SPATA17: variants seen among roughly 807,000 people sequenced by gnomAD.
SPATA17 encodes the protein spermatogenesis-associated protein 17.
SPATA17 carries 53 observed loss-of-function variants against 62.2 expected under a neutral mutation model. The observed-to-expected ratio is 0.85, with a 90% CI of 0.68 to 1.07. The LOEUF is 1.07. SPATA17 is among the 50% of genes least tolerant of loss of function. SPATA17 has a pLI of 0.00. For synonymous variants in SPATA17, 146 were observed against 146.8 expected (o/e 0.99, Z 0.04); for missense variants, 466 against 425.5 (o/e 1.10, Z -0.84).
intron 1 of SPATA17, among the ~76,000 whole-genome samples, chr1:217,635,690 C>A (rs925177758): frequency 3.3e-5 from 5 of 150,840 alleles, no homozygotes; most frequent in African/African-American, 7.3e-5. Context: ...GGCAACAGAG[C>A]AAGACTCAAA....
intron 9 of SPATA17, among the ~76,000 whole-genome samples, chr1:217,819,509 G>A (rs993120318): frequency 1.3e-5 from 2 of 151,914 alleles, no homozygotes; most frequent in African/African-American, 4.8e-5. Flanking sequence ...CAAGTCACAG[G>A]CCTGTGTTTA....
At chr1:217,864,168 T>C (rs533982468) in intron 10 of SPATA17, among the ~76,000 whole-genome samples, 30 of 152,348 alleles carry the variant, frequency 2.0e-4, no homozygotes, top group Non-Finnish European at 2.9e-5. Flanking sequence ...TCATTACCCA[T>C]TGGAGCATTT....
At chr1:217,856,863 C>T (rs977315051) in intron 9 of SPATA17, among the ~76,000 whole-genome samples, 2 of 152,054 alleles carry the variant, frequency 1.3e-5, no homozygotes, top group African/African-American at 4.8e-5. Flanking sequence ...GGAATAATGC[C>T]GGGTGATCTT....
At chr1:217,861,695 G>T (rs952011704) in intron 9 of SPATA17, among the ~76,000 whole-genome samples, 14 of 152,204 alleles carry the variant, frequency 9.2e-5, no homozygotes, top group African/African-American at 3.4e-4. Context: ...TTGCATTTAT[G>T]CTATCCAAGA....
intron 5 of SPATA17, among the ~76,000 whole-genome samples, chr1:217,708,943 C>T (rs1045400069): frequency 2.4e-4 from 37 of 151,888 alleles, no homozygotes; most frequent in African/African-American, 8.7e-4. Context: ...AGATGATTGT[C>T]TCAGCATATG....
At chr1:217,858,615 C>G (rs754340564) in intron 9 of SPATA17, among the ~76,000 whole-genome samples, 18 of 152,106 alleles carry the variant, frequency 1.2e-4, no homozygotes, top group Non-Finnish European at 2.4e-4. Flanking sequence ...TAAAATAAAG[C>G]TGGGCATGGT....
chr1:217,757,151 G>A (rs1199675488), intron 6 of SPATA17, among the ~76,000 whole-genome samples: 1 of 152,178 alleles, frequency 6.6e-6, no homozygotes, highest in African/African-American at 2.4e-5. Flanking sequence ...AATAATCAGG[G>A]TGGAAACTTG....
At chr1:217,704,696 C>T (rs1191254534) in intron 5 of SPATA17, among the ~76,000 whole-genome samples, 1 of 152,114 alleles carries the variant, frequency 6.6e-6, no homozygotes. Context: ...ATAATGGCCT[C>T]CACCTCCATC....
chr1:217,821,149 A>C (rs1674849879), intron 9 of SPATA17, among the ~76,000 whole-genome samples: 1 of 152,112 alleles, frequency 6.6e-6, no homozygotes, highest in Non-Finnish European at 1.5e-5. Context: ...ACCTCCCAGT[A>C]GGCCCCATCT....
At chr1:217,670,076 C>A (rs181784855) in intron 4 of SPATA17, among the ~76,000 whole-genome samples, 1 of 152,238 alleles carries the variant, frequency 6.6e-6, no homozygotes, top group African/African-American at 2.4e-5. Flanking sequence ...ATTTGCCTTT[C>A]TCAGTAATAT....
At chr1:217,792,927 A>G (rs1038040060) in intron 8 of SPATA17, among the ~76,000 whole-genome samples, 1 of 152,186 alleles carries the variant, frequency 6.6e-6, no homozygotes, top group Non-Finnish European at 1.5e-5. Flanking sequence ...AAGAAAAAAT[A>G]TATAAGAAGC....
chr1:217,681,413 G>A (rs192611277), intron 4 of SPATA17, among the ~76,000 whole-genome samples: 55 of 151,180 alleles, frequency 3.6e-4, no homozygotes, highest in African/African-American at 1.1e-3. Context: ...TCGCTCTGTC[G>A]CCCAGGCTGG....
chr1:217,738,676 G>A (rs1334239899), intron 5 of SPATA17, among the ~76,000 whole-genome samples: 14 of 152,226 alleles, frequency 9.2e-5, no homozygotes. Flanking sequence ...TCTTGGCCGG[G>A]TGCGATGGCT....
intron 9 of SPATA17, among the ~76,000 whole-genome samples, chr1:217,835,006 A>T (rs1675230155): frequency 6.6e-6 from 1 of 152,204 alleles, no homozygotes; most frequent in Admixed American, 6.5e-5. Context: ...GTACAGGAAC[A>T]TGCCATACAG....
chr1:217,839,712 T>C (rs1675347395), intron 9 of SPATA17, among the ~76,000 whole-genome samples: 1 of 152,108 alleles, frequency 6.6e-6, no homozygotes. Flanking sequence ...ATATCTTTTT[T>C]TTTTCAAATG....
At chr1:217,631,991 A>G (rs1402297630) in intron 1 of SPATA17, among the ~76,000 whole-genome samples, 2 of 152,038 alleles carry the variant, frequency 1.3e-5, no homozygotes, top group African/African-American at 4.8e-5. Context: ...TAGACCAACC[A>G]GGACAACATG....
chr1:217,711,915 T>C (rs12136507), intron 5 of SPATA17, among the ~76,000 whole-genome samples: 28,530 of 152,018 alleles, frequency 0.19, 2,963 homozygotes, highest in African/African-American at 0.28. Flanking sequence ...TACCCTACCA[T>C]TCTCAGTTAC....
chr1:217,689,336 C>T (rs1359101525), intron 5 of SPATA17, among the ~76,000 whole-genome samples: 1 of 149,624 alleles, frequency 6.7e-6, no homozygotes, highest in East Asian at 2.0e-4. Flanking sequence ...AGTGATTCTC[C>T]TGCCTCAGCT....
At chr1:217,686,129 A>G (rs1285150280) in intron 5 of SPATA17, among the ~76,000 whole-genome samples, 1 of 152,080 alleles carries the variant, frequency 6.6e-6, no homozygotes, top group Non-Finnish European at 1.5e-5. Flanking sequence ...TCTTTCTTAT[A>G]TTGCAATTGT....
Sources: gnomAD v4.1 joint callset for allele counts (sites outside exome capture counted in the v4.1 genomes callset) on GRCh38, gnomAD v4.1.1 for gene constraint, MANE v1.5 for transcripts, NCBI Gene and HGNC (gene_info 2026-07-23, HGNC 2026-07-21) for gene names.